The following MASP1 variants were observed in gnomAD, a reference collection of about 807,000 sequenced individuals.
The protein encoded by MASP1 is mannan-binding lectin serine protease 1.
In MASP1, 59 loss-of-function variants were observed where a neutral mutation model predicts 77.1. The observed-to-expected ratio is 0.77, with a 90% CI of 0.62 to 0.95. MASP1 has a LOEUF of 0.95. Among genes scored for constraint, MASP1 ranks in the 40% least tolerant of loss-of-function variants. The pLI, the probability that MASP1 is intolerant of heterozygous loss-of-function variation, is 0.00. For missense variants in MASP1, 885 were observed against 912.9 expected (o/e 0.97, Z 0.39); for synonymous variants, 362 against 354.5 (o/e 1.02, Z -0.24).
rs1321161137 is a variant in MASP1 at position 187,256,546 on chromosome 3, A to G, written c.744+118T>C. ...TATTTTAAATAATGCCTTTTTGAGG[A>G]ACTAGCTGCTAGGCTCTCTATCCTG... On this transcript the variant is annotated intron_variant, in intron 5 of 10. Coordinates refer to ENST00000296280, the MANE Select transcript of MASP1 (RefSeq NM_139125.4). 3 of 899,312 alleles carry G rather than the reference A, an allele frequency of 3.3e-6. No homozygotes were observed. In the African/African-American group the frequency reaches 4.9e-5, roughly 15 times the overall value. The allele number at this position is 899,312 out of a possible 1,614,324, so 55.7% of individuals were successfully genotyped here.
At position 187,235,886 on chromosome 3, in the gene MASP1, C is replaced by T. The variant is rs1713117788; in HGVS notation, c.1985G>A (p.Gly662Glu). 1 of 1,614,252 alleles carries T rather than the reference C, an allele frequency of 6.2e-7. No individual in the cohort carries two copies. Among genetic ancestry groups the T allele is most frequent in the Non-Finnish European group, 8.5e-7 (1 of 1,180,044 alleles). Residue 662 changes from glycine to glutamate, a missense_variant, in exon 11 of 11, where the codon GGA becomes GAA. Physicochemically the swap from Gly to Glu is moderately conservative, Grantham distance 98. Transcript: ENST00000296280. ...YYEGGKDTCLGDSGGAFVIFD... is the reference protein window; with the variant it reads ...YYEGGKDTCLEDSGGAFVIFD... Reference sequence around the variant, plus strand: ...GATGACAAAGGCCCCACCGCTATCTCCAAGGCACGTGTCTTTGCCGCCCTC... The same window carrying T: ...GATGACAAAGGCCCCACCGCTATCTTCAAGGCACGTGTCTTTGCCGCCCTC...
At chr3:187,241,286 G>A (rs540741137) in intron 10 of MASP1, among the ~76,000 whole-genome samples, 195 bp downstream of exon 10, 1 of 152,320 alleles carries the variant, frequency 6.6e-6, no homozygotes, top group East Asian at 1.9e-4. Flanking sequence ...GATGGAGCAG[G>A]CAGAAAATAC....
At chr3:187,220,484 T>C (rs1711983238) in intron 15 of MASP1, among the ~76,000 whole-genome samples, 1 of 147,356 alleles carries the variant, frequency 6.8e-6, no homozygotes, top group South Asian at 2.2e-4. Flanking sequence ...CTTTTCTTTT[T>C]CTTTTTTCTT....
chr3:187,234,731 C>A lies in MASP1; in HGVS notation c.*953G>T. 7.8e-7 allele frequency: 1 copy of A among 1,287,264 alleles called. No individual in the cohort carries two copies. Among genetic ancestry groups the A allele is most frequent in the African/African-American group, 1.5e-5 (1 of 65,928 alleles). 79.7% of individuals were successfully genotyped at this position (1,287,264 alleles called of 1,614,324 possible). On this transcript the variant is annotated 3_prime_UTR_variant, in exon 11 of 11. Coordinates refer to ENST00000296280, the MANE Select transcript of MASP1 (RefSeq NM_139125.4). Reference sequence around the variant, plus strand: ...CCCCACTCTTTCTTCCATTTTCCTGCCCAAAAGCACAGCAGGACACAGTGT... The same window carrying A: ...CCCCACTCTTTCTTCCATTTTCCTGACCAAAAGCACAGCAGGACACAGTGT...
chr3:187,278,669 G>T (rs527458053), intron 2 of MASP1, among the ~76,000 whole-genome samples: 1 of 152,144 alleles, frequency 6.6e-6, no homozygotes, highest in Non-Finnish European at 1.5e-5. Flanking sequence ...CCAATAAGTT[G>T]TCATAACTGG....
rs762951821 is a variant in MASP1, at chr3:187,235,572, G to T, written c.*112C>A. 1 of 1,570,074 alleles carries T rather than the reference G, an allele frequency of 6.4e-7. No individual in the cohort carries two copies. The highest frequency in any genetic ancestry group is 1.4e-5 in the African/African-American group (1 of 73,878). On this transcript the variant is annotated 3_prime_UTR_variant, in exon 11 of 11. Transcript: ENST00000296280. ...GGCTGTCTCGGTAGGAGAAGCCACC[G>T]CTAGGTCAGTGTGTTCCATTCCATA... is the stretch of plus-strand genomic sequence containing the variant.
intron 2 of MASP1, among the ~76,000 whole-genome samples, chr3:187,272,222 C>G (rs1472611860): frequency 6.7e-6 from 1 of 149,412 alleles, no homozygotes; most frequent in Non-Finnish European, 1.5e-5. Flanking sequence ...AGAAAGGTTG[C>G]AATAAGAACA....
In MASP1 at chr3:187,284,599, C is replaced by T. The variant is rs537856692; in HGVS notation, c.237+1226G>A. Among the ~76,000 whole-genome samples the T allele has an allele frequency of 5.3e-5, 8 of 152,268 alleles. No individual in the cohort carries two copies. In the East Asian group the frequency reaches 7.7e-4, roughly 15 times the overall value. On this transcript the variant is annotated intron_variant, in intron 2 of 10. Transcript: ENST00000296280. ...GACAATACTCTACATATAAAATAAG[C>T]GGAAGCACAGTGCCTTTGTATGCCT...
chr3:187,260,862 C>G lies in MASP1; in HGVS notation c.426G>C (p.Glu142Asp). 3.1e-6 allele frequency: 5 copies of G among 1,614,126 alleles called. No homozygotes were observed. Among genetic ancestry groups the G allele is most frequent in the Non-Finnish European group, 4.2e-6 (5 of 1,179,990 alleles). Reference sequence around the variant, plus strand: ...GCTCCTCGTCCTCCCTCTCCTTGCACTCGTCCACATCTGTAGGGCAGGTAA... The same window carrying G: ...GCTCCTCGTCCTCCCTCTCCTTGCAGTCGTCCACATCTGTAGGGCAGGTAA... ...DAHYMAVDVD[E>D]CKEREDEELS... Residue 142 changes from glutamate to aspartate, a missense_variant, in exon 4 of 11, where the codon GAG (glutamate) becomes GAC (aspartate). By Grantham distance (45) the Glu-to-Asp change is conservative. Coordinates refer to ENST00000296280, the MANE Select transcript of MASP1 (RefSeq NM_139125.4).
In MASP1 at chr3:187,235,741, C is replaced by A. The variant is rs1168464371; in HGVS notation, c.2130G>T (p.Trp710Cys). 6.2e-7 allele frequency: 1 copy of A among 1,614,158 alleles called. No individual in the cohort carries two copies. Among genetic ancestry groups the A allele is most frequent in the African/African-American group, 1.3e-5 (1 of 75,024 alleles). ...VYTKVSNYVD[W>C]VWEQMGLPQS... Reference sequence around the variant, plus strand: ...GTGGTAAGCCCATCTGCTCCCACACCCAGTCCACGTAATTGGAGACCTTTG... The same window carrying A: ...GTGGTAAGCCCATCTGCTCCCACACACAGTCCACGTAATTGGAGACCTTTG... The change falls in exon 11 of 11, where the codon TGG becomes TGT. Residue 710 changes from tryptophan to cysteine, a missense_variant. Coordinates refer to ENST00000296280, the MANE Select transcript of MASP1 (RefSeq NM_139125.4).
chr3:187,229,917 G>GGAGA (rs1560233023), downstream of MASP1: 1 of 1,613,772 alleles, frequency 6.2e-7, no homozygotes, highest in Non-Finnish European at 8.5e-7. Flanking sequence ...AGGGAGGGAG[G>GGAGA]GAGAGACAGA....
chr3:187,252,110 T>C (rs1488991158), intron 6 of MASP1, among the ~76,000 whole-genome samples: 1 of 152,090 alleles, frequency 6.6e-6, no homozygotes, highest in Non-Finnish European at 1.5e-5. Flanking sequence ...CCCCACCAGG[T>C]CCAAACCTGC....
chr3:187,289,938 C>T (rs1028431671), intron 1 of MASP1, among the ~76,000 whole-genome samples: 1 of 152,246 alleles, frequency 6.6e-6, no homozygotes, highest in Non-Finnish European at 1.5e-5. Context: ...CACTGAAATA[C>T]TGTATCCATG....
chr3:187,281,470 A>G (rs981778620), intron 2 of MASP1, among the ~76,000 whole-genome samples: 1 of 152,234 alleles, frequency 6.6e-6, no homozygotes, highest in Non-Finnish European at 1.5e-5. Flanking sequence ...GCCTCAAAAC[A>G]GGGAATTTTA....
chr3:187,265,041 G>C (rs1047062979), intron 2 of MASP1, among the ~76,000 whole-genome samples: 1 of 152,118 alleles, frequency 6.6e-6, no homozygotes, highest in Non-Finnish European at 1.5e-5. Flanking sequence ...GACTAGCTGA[G>C]CTCTAGATTC....
chr3:187,234,782 G>A lies in MASP1; in HGVS notation c.*902C>T, dbSNP rs754455916. 4.9e-5 allele frequency: 63 copies of A among 1,287,208 alleles called. No individual in the cohort carries two copies. The highest frequency in any genetic ancestry group is 9.9e-5 in the South Asian group (8 of 80,934). 79.7% of individuals were successfully genotyped at this position (1,287,208 alleles called of 1,614,324 possible). On this transcript the variant is annotated 3_prime_UTR_variant, in exon 11 of 11. Transcript: ENST00000296280. ...GGGTCTTTTCTTTTTCCAGGTAATC[G>A]ACTAAGTCCCCATATTCGGGCCTGG...
intron 2 of MASP1, among the ~76,000 whole-genome samples, chr3:187,282,904 T>C (rs1165041896): frequency 6.6e-6 from 1 of 152,232 alleles, no homozygotes; most frequent in Non-Finnish European, 1.5e-5. Flanking sequence ...AACTCACAGA[T>C]GCAAGGACTG....
rs534740445 is a variant in MASP1, at chr3:187,250,409, C to T, written c.1012-80G>A. ...GGGTTTTTTCCTAGCAAAACCAACT[C>T]AAGCTCCACACGTGTCTTGATCTCG... is the stretch of plus-strand genomic sequence containing the variant. On this transcript the variant is annotated intron_variant, in intron 7 of 10. Coordinates refer to ENST00000296280, the MANE Select transcript of MASP1 (RefSeq NM_139125.4). 127 of 971,716 alleles carry T rather than the reference C, an allele frequency of 1.3e-4. No homozygotes were observed. In the African/African-American group the frequency reaches 1.8e-3, roughly 14 times the overall value. The allele number at this position is 971,716 out of a possible 1,614,324, so 60.2% of individuals were successfully genotyped here. A position where few individuals can be genotyped will look rare whatever the true frequency, so the allele number is the denominator to read the frequency against.
chr3:187,236,253 C>A lies in MASP1; in HGVS notation c.1618G>T (p.Val540Leu). 1 of 1,614,224 alleles carries A rather than the reference C, an allele frequency of 6.2e-7. No individual in the cohort carries two copies. Among genetic ancestry groups the A allele is most frequent in the Non-Finnish European group, 8.5e-7 (1 of 1,180,042 alleles). Reference protein sequence around the residue: ...GAVNSSAARVVLHPDFNIQNY... With the variant: ...GAVNSSAARVLLHPDFNIQNY... ...TGGATGTTGAAGTCTGGGTGGAGCA[C>A]CACTCGGGCAGCTGAGCTGTTGACT... The change falls in exon 11 of 11, where the codon GTG (valine) becomes TTG (leucine). Residue 540 changes from valine (V) to leucine (L), a missense_variant. Val to Leu is a conservative substitution (Grantham distance 32). Coordinates refer to ENST00000296280, the MANE Select transcript of MASP1 (RefSeq NM_139125.4).
Sources: allele counts gnomAD v4.1 joint callset (sites outside exome capture counted in the v4.1 genomes callset), GRCh38; gene constraint gnomAD v4.1.1; transcripts MANE v1.5; gene names NCBI Gene and HGNC (gene_info 2026-07-23, HGNC 2026-07-21).